Variants in CLOCK observed in about 807,000 individuals in gnomAD.
The protein encoded by CLOCK is circadian locomoter output cycles protein kaput.
Under a neutral mutation model 118.4 loss-of-function variants are expected in CLOCK, and 43 were observed. The observed-to-expected ratio is 0.36, with a 90% CI of 0.28 to 0.47. The LOEUF (loss-of-function observed/expected upper bound fraction) is 0.47. Among genes scored for constraint, CLOCK ranks in the 20% least tolerant of loss-of-function variants. The pLI, the probability that CLOCK is intolerant of heterozygous loss-of-function variation, is 1.00. For synonymous variants in CLOCK, 326 were observed against 339.2 expected (o/e 0.96, Z 0.43); for missense variants, 846 against 999.9 (o/e 0.85, Z 2.08).
chr4:55,453,442 C>T (rs1724647821), intron 14 of CLOCK: 2 of 484,636 alleles, frequency 4.1e-6, no homozygotes, highest in Non-Finnish European at 3.6e-6. Context: ...ACATAAATGA[C>T]AGTAACAACT....
intron 1 of CLOCK, among the ~76,000 whole-genome samples, chr4:55,530,298 C>T (rs963114195): frequency 1.2e-4 from 19 of 152,032 alleles, no homozygotes; most frequent in African/African-American, 4.6e-4. Context: ...GACATCTTAC[C>T]GTCTTGATGC....
intron 15 of CLOCK, 36 bp from the exon 16 acceptor site, chr4:55,450,268 G>C: frequency 6.2e-7 from 1 of 1,612,732 alleles, no homozygotes; most frequent in Non-Finnish European, 8.5e-7. Flanking sequence ...TTTTCTTGTG[G>C]TTCAGTTCAG....
intron 1 of CLOCK, among the ~76,000 whole-genome samples, chr4:55,543,671 G>A (rs1348931249): frequency 2.0e-5 from 3 of 151,926 alleles, no homozygotes; most frequent in Admixed American, 6.6e-5. Flanking sequence ...CCAGCTACTC[G>A]GGAGGCTGAG....
chr4:55,474,098 A>C (rs1726325828), intron 7 of CLOCK, among the ~76,000 whole-genome samples: 2 of 152,234 alleles, frequency 1.3e-5, no homozygotes, highest in Non-Finnish European at 2.9e-5. Context: ...AGACAGGCCA[A>C]AAGCTAGACC....
chr4:55,473,687 T>C (rs1726298658), intron 7 of CLOCK, among the ~76,000 whole-genome samples: 1 of 152,192 alleles, frequency 6.6e-6, no homozygotes, highest in Non-Finnish European at 1.5e-5. Flanking sequence ...AAAGTGAAGG[T>C]TTGTAGCAAC....
chr4:55,444,676 T>C lies in CLOCK; in HGVS notation c.1649A>G (p.Lys550Arg), dbSNP rs1390611889. ...NIHRQQEELR[K>R]IQEQLQMVHG... Reference sequence around the variant, plus strand: ...GACCATCTGAAGTTGTTCTTGAATTTTTCTTAGTTCTTCTTGTTGCCGATG... The same window carrying C: ...GACCATCTGAAGTTGTTCTTGAATTCTTCTTAGTTCTTCTTGTTGCCGATG... Residue 550 changes from lysine to arginine, a missense_variant, in exon 19 of 23, where the codon AAA (lysine) becomes AGA (arginine). Lys to Arg is a conservative substitution (Grantham distance 26). Coordinates refer to ENST00000513440, the MANE Select transcript of CLOCK (RefSeq NM_004898.4). 17 of 1,614,018 alleles carry C rather than the reference T, an allele frequency of 1.1e-5. No individual in the cohort carries two copies. Among genetic ancestry groups the C allele is most frequent in the Non-Finnish European group, 1.4e-5 (16 of 1,180,004 alleles).
intron 1 of CLOCK, 44 bp from the exon 2 acceptor site, chr4:55,510,109 A>G (rs973141420): frequency 2.0e-5 from 3 of 152,226 alleles, no homozygotes; most frequent in Non-Finnish European, 4.4e-5. Context: ...AACCAATTTA[A>G]GTAACATTAT....
intron 2 of CLOCK, among the ~76,000 whole-genome samples, chr4:55,500,091 C>T (rs1728338880): frequency 6.6e-6 from 1 of 152,054 alleles, no homozygotes; most frequent in Non-Finnish European, 1.5e-5. Flanking sequence ...TGTCCTATGA[C>T]TAGAAATAAA....
intron 18 of CLOCK, 47 bp from the exon 19 acceptor site, chr4:55,444,832 T>A (rs1057169379): frequency 6.4e-7 from 1 of 1,571,428 alleles, no homozygotes; most frequent in Middle Eastern, 1.7e-4. Flanking sequence ...TAGAATTACT[T>A]ACTCCTTATA....
Position 55,485,107 on chromosome 4 carries a change from G to T in CLOCK, c.-43-2279C>A, listed in dbSNP as rs542256563. ...GCCTCCTGAGTAGCTGGGATTACAG[G>T]CCCAGACCACCACAAGCCAGCTAAT... On this transcript the variant is annotated intron_variant, in intron 3 of 22. Transcript: ENST00000513440. 1.4e-4 allele frequency among the ~76,000 whole-genome samples: 22 copies of T among 152,060 alleles called. No homozygotes were observed. The South Asian group carries it at 4.6e-3, about 32-fold the overall frequency.
intron 18 of CLOCK, among the ~76,000 whole-genome samples, chr4:55,446,466 C>G (rs17777927): frequency 0.04 from 6,052 of 152,210 alleles, 167 homozygotes; most frequent in South Asian, 0.15. Flanking sequence ...TCTATGTGTA[C>G]ATGAGTAGAA....
At chr4:55,472,450 A>G (rs1726210714) in intron 7 of CLOCK, among the ~76,000 whole-genome samples, 1 of 152,194 alleles carries the variant, frequency 6.6e-6, no homozygotes, top group Non-Finnish European at 1.5e-5. Flanking sequence ...TCCAGTGGAG[A>G]AGAAGTAGAA....
chr4:55,474,712 TATAA>T (rs1726380235), intron 7 of CLOCK, among the ~76,000 whole-genome samples: 1 of 152,306 alleles, frequency 6.6e-6, no homozygotes, highest in Middle Eastern at 3.4e-3. Context: ...AAGTATGCCC[TATAA>T]ATAGAGCAAC....
chr4:55,536,935 AAC>A (rs1270123247), intron 1 of CLOCK, among the ~76,000 whole-genome samples: 3 of 152,176 alleles, frequency 2.0e-5, no homozygotes, highest in Non-Finnish European at 4.4e-5. Flanking sequence ...CTAACAACAA[AAC>A]ACACATTCTT....
At chr4:55,502,317 A>G (rs1328598589) in intron 2 of CLOCK, among the ~76,000 whole-genome samples, 1 of 152,230 alleles carries the variant, frequency 6.6e-6, no homozygotes, top group African/African-American at 2.4e-5. Flanking sequence ...ATCAGATATC[A>G]TGACTTATTA....
rs1217873266 is a variant in CLOCK, at chr4:55,503,987, A to G, written c.-136+5925T>C. Among the ~76,000 whole-genome samples, 110 of 142,476 alleles carry G rather than the reference A, an allele frequency of 7.7e-4. 2 individuals are homozygous for G. The East Asian group carries it at 0.011, about 14-fold the overall frequency. The allele number at this position is 142,476 out of a possible 152,430, so 93.5% of individuals were successfully genotyped here. ...ATTTGGCAAAAAGAGGTAAAAAAAA[A>G]AAAAAAAAAAAAAAAAGCCGGGCAC... On this transcript the variant is annotated intron_variant, in intron 2 of 22. Transcript: ENST00000513440.
intron 1 of CLOCK, among the ~76,000 whole-genome samples, chr4:55,531,156 ATG>A (rs1282657917): frequency 1.3e-5 from 2 of 152,188 alleles, no homozygotes; most frequent in Non-Finnish European, 2.9e-5. Flanking sequence ...TTTCGAAAAA[ATG>A]ATGAAGTACA....
intron 1 of CLOCK, among the ~76,000 whole-genome samples, chr4:55,510,753 G>C (rs559709064): frequency 9.1e-4 from 138 of 152,044 alleles, no homozygotes; most frequent in African/African-American, 3.0e-3. Context: ...TGTCCAAAGG[G>C]AACAGTGTGT....
chr4:55,500,838 CTGTT>C (rs1191103436), intron 2 of CLOCK, among the ~76,000 whole-genome samples: 3 of 152,008 alleles, frequency 2.0e-5, no homozygotes, highest in Non-Finnish European at 2.9e-5. Flanking sequence ...TCCAGTGTTT[CTGTT>C]TGTTTGTCTG....
Sources: allele counts gnomAD v4.1 joint callset (sites outside exome capture counted in the v4.1 genomes callset), GRCh38; gene constraint gnomAD v4.1.1; transcripts MANE v1.5; gene names NCBI Gene and HGNC (gene_info 2026-07-23, HGNC 2026-07-21).